The following PTPRG variants were observed in gnomAD, a reference collection of about 807,000 sequenced individuals.
PTPRG encodes the protein receptor-type tyrosine-protein phosphatase gamma.
PTPRG carries 102 observed loss-of-function variants against 165.3 expected under a neutral mutation model. That is an observed-to-expected ratio of 0.62 (90% CI 0.53 to 0.73). The LOEUF (loss-of-function observed/expected upper bound fraction) is 0.73, where lower values mean the gene tolerates loss of function less well. Ranked by LOEUF, PTPRG falls within the 30% of genes least tolerant of loss-of-function variation. PTPRG has a pLI of 0.00. For missense variants in PTPRG, 1,866 were observed against 1,861.4 expected, an observed-to-expected ratio of 1.00 and a Z score of -0.05; for synonymous variants, 675 against 669.5, an observed-to-expected ratio of 1.01 and a Z score of -0.13.
At chr3:61,897,700 A>G (rs2038394019) in intron 2 of PTPRG, among the ~76,000 whole-genome samples, 1 of 152,228 alleles carries the variant, frequency 6.6e-6, no homozygotes, top group African/African-American at 2.4e-5. Context: ...CTTTGAGTCT[A>G]GGAACACACT....
chr3:62,099,011 T>G (rs767231327), intron 5 of PTPRG, among the ~76,000 whole-genome samples: 4 of 152,154 alleles, frequency 2.6e-5, no homozygotes, highest in African/African-American at 4.8e-5. Flanking sequence ...TGTTGTAATT[T>G]AGAATTTAGA....
At chr3:61,880,622 C>CAAA (rs35846878) in intron 2 of PTPRG, among the ~76,000 whole-genome samples, 819 of 79,786 alleles carry the variant, frequency 0.01, 15 homozygotes, top group Middle Eastern at 0.029. Flanking sequence ...AACCCTGTCT[C>CAAA]AAAAAAAAAA....
intron 2 of PTPRG, among the ~76,000 whole-genome samples, chr3:61,833,067 T>TTGTGTGTGTGTG (rs113069211): frequency 0.046 from 6,717 of 146,814 alleles, 479 homozygotes; most frequent in African/African-American, 0.15. Context: ...TAGTATTCCA[T>TTGTGTGTGTGTG]TGTGTGTGTG....
intron 1 of PTPRG, among the ~76,000 whole-genome samples, chr3:61,717,507 G>C (rs2031859115): frequency 1.3e-5 from 2 of 152,174 alleles, no homozygotes; most frequent in African/African-American, 4.8e-5. Context: ...TGATTTGTGG[G>C]CCAGGAGTGG....
chr3:62,211,532 A>C (rs1185846517), intron 12 of PTPRG, among the ~76,000 whole-genome samples: 1 of 152,142 alleles, frequency 6.6e-6, no homozygotes, highest in East Asian at 1.9e-4. Context: ...TTTTTTTTAA[A>C]GCAGCCACCT....
At chr3:62,012,567 C>T (rs147664058) in intron 4 of PTPRG, among the ~76,000 whole-genome samples, 1 of 151,944 alleles carries the variant, frequency 6.6e-6, no homozygotes, top group African/African-American at 2.4e-5. Context: ...TTTCATATGC[C>T]CCTTAAATAC....
intron 2 of PTPRG, among the ~76,000 whole-genome samples, chr3:61,806,312 C>G (rs1394417004): frequency 1.3e-5 from 2 of 152,146 alleles, no homozygotes; most frequent in Admixed American, 1.3e-4. Flanking sequence ...AGTTGAGTTT[C>G]TAAAGTTACA....
intron 2 of PTPRG, among the ~76,000 whole-genome samples, chr3:61,895,610 G>A (rs2038334618): frequency 6.6e-6 from 1 of 152,130 alleles, no homozygotes; most frequent in African/African-American, 2.4e-5. Flanking sequence ...GTATCACCAG[G>A]AGGGCATTTT....
At chr3:61,753,524 C>T (rs1172416371) in intron 2 of PTPRG, 1 of 423,840 alleles carries the variant, frequency 2.4e-6, no homozygotes, top group Non-Finnish European at 4.6e-6. Flanking sequence ...GTCATCAATG[C>T]AGGAAAGAGA....
chr3:61,645,626 G>A (rs1702179193), intron 1 of PTPRG, among the ~76,000 whole-genome samples: 2 of 152,164 alleles, frequency 1.3e-5, no homozygotes, highest in African/African-American at 4.8e-5. Flanking sequence ...CCATTATCTA[G>A]CCCACGGGTT....
At chr3:61,762,297 G>C (rs1223687453) in intron 2 of PTPRG, among the ~76,000 whole-genome samples, 1 of 152,122 alleles carries the variant, frequency 6.6e-6, no homozygotes, top group East Asian at 1.9e-4. Flanking sequence ...GGCCAATTGA[G>C]CTGCATACCT....
chr3:62,249,409 AG>A (rs889829630), intron 15 of PTPRG, among the ~76,000 whole-genome samples: 20 of 151,908 alleles, frequency 1.3e-4, no homozygotes, highest in African/African-American at 4.3e-4. Flanking sequence ...GGTGGAGGGA[AG>A]GGGGTGGGTA....
chr3:61,622,309 A>G (rs1217102440), intron 1 of PTPRG, among the ~76,000 whole-genome samples: 1 of 152,186 alleles, frequency 6.6e-6, no homozygotes, highest in Non-Finnish European at 1.5e-5. Flanking sequence ...CTTGCTTTGA[A>G]ATTGCACAAG....
rs571144936 is a variant in PTPRG at position 61,657,881 on chromosome 3, G to A, written c.86-90997G>A. 3.3e-5 allele frequency among the ~76,000 whole-genome samples: 5 copies of A among 152,292 alleles called. No homozygotes were observed. The South Asian group carries it at 1.0e-3, about 32-fold the overall frequency. On this transcript the variant is annotated intron_variant, in intron 1 of 29. Transcript: ENST00000474889. ...GATAGCAGGCATCAGCGGGGAAGAT[G>A]CTTTGTACTTTGCTTGTTAAACAGA... is the stretch of plus-strand genomic sequence containing the variant.
intron 1 of PTPRG, among the ~76,000 whole-genome samples, chr3:61,683,320 C>A (rs2107125930): frequency 6.6e-6 from 1 of 152,322 alleles, no homozygotes; most frequent in South Asian, 2.1e-4. Context: ...GGACAGTTTT[C>A]TGAATGGGTG....
intron 4 of PTPRG, among the ~76,000 whole-genome samples, chr3:62,037,442 T>C (rs772468548): frequency 6.6e-6 from 1 of 152,196 alleles, no homozygotes; most frequent in Non-Finnish European, 1.5e-5. Flanking sequence ...AGCCAACAGA[T>C]GCCAGTAGCA....
chr3:62,169,918 G>A (rs748126842), intron 8 of PTPRG, among the ~76,000 whole-genome samples: 2 of 152,132 alleles, frequency 1.3e-5, no homozygotes, highest in Non-Finnish European at 2.9e-5. Context: ...ACAAGTAACT[G>A]CAGTGACATG....
chr3:61,801,735 G>C (rs764204824), intron 2 of PTPRG, among the ~76,000 whole-genome samples: 8 of 152,118 alleles, frequency 5.3e-5, no homozygotes, highest in Non-Finnish European at 1.2e-4. Flanking sequence ...TCTGCATTAT[G>C]GTGGGCTGTT....
intron 2 of PTPRG, among the ~76,000 whole-genome samples, chr3:61,930,089 C>G (rs1430529958): frequency 6.9e-6 from 1 of 144,284 alleles, no homozygotes; most frequent in Admixed American, 7.0e-5. Flanking sequence ...TTTAAATTCT[C>G]TAAGATCTGG....
Sources: gnomAD v4.1 joint callset for allele counts (sites outside exome capture counted in the v4.1 genomes callset) on GRCh38, gnomAD v4.1.1 for gene constraint, MANE v1.5 for transcripts, NCBI Gene and HGNC (gene_info 2026-07-23, HGNC 2026-07-21) for gene names.